Variants in STXBP6 observed in about 807,000 individuals in gnomAD.
STXBP6 encodes syntaxin-binding protein 6.
STXBP6 carries 21 observed loss-of-function variants against 26.9 expected under a neutral mutation model. The ratio of observed to expected loss-of-function variants is 0.78; its 90% CI spans 0.55 to 1.12. The LOEUF (loss-of-function observed/expected upper bound fraction) is 1.12. Among genes scored for constraint, STXBP6 ranks in the 50% most tolerant of loss-of-function variants. STXBP6 has a pLI of 0.00. For synonymous variants in STXBP6, 97 were observed against 92.6 expected (o/e 1.05, Z -0.27); for missense variants, 232 against 257.9 (o/e 0.90, Z 0.69).
At chr14:24,934,864 A>G (rs995218180) in intron 2 of STXBP6, among the ~76,000 whole-genome samples, 6 of 152,172 alleles carry the variant, frequency 3.9e-5, no homozygotes, top group Non-Finnish European at 5.9e-5. Context: ...CTGACCTCTG[A>G]TAGAGAACAC....
intron 2 of STXBP6, among the ~76,000 whole-genome samples, chr14:24,874,411 AGT>A (rs1434108013): frequency 6.6e-6 from 1 of 152,046 alleles, no homozygotes; most frequent in East Asian, 1.9e-4. Context: ...TGTTCAGAAG[AGT>A]GTGGAAAGCC....
chr14:24,836,582 A>G (rs117157898), intron 4 of STXBP6, among the ~76,000 whole-genome samples: 3,934 of 124,948 alleles, frequency 0.031, 184 homozygotes, highest in East Asian at 0.24. Flanking sequence ...TTGCCAGCTT[A>G]GGTGACACAG....
Position 24,812,579 on chromosome 14 carries a change from A to G in STXBP6, c.*130T>C, listed in dbSNP as rs377174986. On this transcript the variant is annotated 3_prime_UTR_variant, in exon 6 of 6. Coordinates refer to ENST00000323944, the MANE Select transcript of STXBP6 (RefSeq NM_001394410.1). ...CTTTCACATTAACATCTGAAAAGAA[A>G]AAACAAAAACCACTCTAAGTGTCCA... 2 of 850,810 alleles carry G rather than the reference A, an allele frequency of 2.4e-6. No individual in the cohort carries two copies. Among genetic ancestry groups the G allele is most frequent in the Non-Finnish European group, 3.7e-6 (2 of 535,530 alleles). 52.7% of individuals were successfully genotyped at this position (850,810 alleles called of 1,614,324 possible). A position where few individuals can be genotyped will look rare whatever the true frequency, so the allele number is the denominator to read the frequency against.
chr14:24,913,155 A>T (rs543094924), intron 2 of STXBP6, among the ~76,000 whole-genome samples: 1 of 152,262 alleles, frequency 6.6e-6, no homozygotes, highest in South Asian at 2.1e-4. Context: ...CACTGAGGGG[A>T]TTCCAACAAA....
intron 1 of STXBP6, among the ~76,000 whole-genome samples, chr14:25,030,881 T>C (rs1237648129): frequency 6.6e-6 from 1 of 150,438 alleles, no homozygotes; most frequent in Non-Finnish European, 1.5e-5. Flanking sequence ...ACATAATAAC[T>C]AATTAGACAC....
intron 4 of STXBP6, among the ~76,000 whole-genome samples, chr14:24,850,576 A>C (rs1048857651): frequency 2.6e-5 from 4 of 152,176 alleles, no homozygotes; most frequent in Non-Finnish European, 4.4e-5. Context: ...AGCTAATTTC[A>C]TCTTGCCCTT....
At chr14:25,043,169 G>A (rs1428758828) in intron 1 of STXBP6, among the ~76,000 whole-genome samples, 1 of 152,166 alleles carries the variant, frequency 6.6e-6, no homozygotes, top group Non-Finnish European at 1.5e-5. Context: ...AAGATGACAA[G>A]GCACTTGCCA....
Position 24,811,478 on chromosome 14 carries a change from C to G in STXBP6, c.*1231G>C, listed in dbSNP as rs975552235. ...TTTTTATGTTTAGCATTTTAACCCT[C>G]TAGGAAACAGAACTTCTAGACCCTA... On this transcript the variant is annotated 3_prime_UTR_variant, in exon 6 of 6. Transcript: ENST00000323944. 6.6e-6 allele frequency: 1 copy of G among 152,072 alleles called. No individual in the cohort carries two copies. The highest frequency in any genetic ancestry group is 6.6e-5 in the Admixed American group (1 of 15,256). The allele number at this position is 152,072 out of a possible 1,614,324, so 9.4% of individuals were successfully genotyped here. A position where few individuals can be genotyped will look rare whatever the true frequency, so the allele number is the denominator to read the frequency against.
chr14:24,810,681 C>T lies in STXBP6; in HGVS notation c.*2028G>A, dbSNP rs2067794101. On this transcript the variant is annotated 3_prime_UTR_variant, in exon 6 of 6. Coordinates refer to ENST00000323944, the MANE Select transcript of STXBP6 (RefSeq NM_001394410.1). ...GAAGAATCTTGGGTTTCACAGTATG[C>T]TTATGACCTCATCCTCAGCTACTTT... 6.6e-6 allele frequency: 1 copy of T among 152,182 alleles called. No individual in the cohort carries two copies. The highest frequency in any genetic ancestry group is 2.4e-5 in the African/African-American group (1 of 41,442). 9.4% of individuals were successfully genotyped at this position (152,182 alleles called of 1,614,324 possible). A position where few individuals can be genotyped will look rare whatever the true frequency, so the allele number is the denominator to read the frequency against.
At chr14:24,837,001 C>T (rs979278758) in intron 4 of STXBP6, among the ~76,000 whole-genome samples, 2 of 152,140 alleles carry the variant, frequency 1.3e-5, no homozygotes, top group African/African-American at 4.8e-5. Context: ...ACATCAAGAA[C>T]ATGAATATTT....
At chr14:24,921,228 T>G (rs2071966867) in intron 2 of STXBP6, among the ~76,000 whole-genome samples, 1 of 152,134 alleles carries the variant, frequency 6.6e-6, no homozygotes, top group Non-Finnish European at 1.5e-5. Flanking sequence ...ACATACAAAT[T>G]TCAATGAAAG....
At chr14:24,986,889 G>A (rs1356893135) in intron 1 of STXBP6, among the ~76,000 whole-genome samples, 6 of 152,166 alleles carry the variant, frequency 3.9e-5, no homozygotes. Flanking sequence ...TCTATTCTAT[G>A]TCTTGAGATG....
At chr14:24,823,099 T>A (rs565923529) in intron 4 of STXBP6, among the ~76,000 whole-genome samples, 2 of 152,276 alleles carry the variant, frequency 1.3e-5, no homozygotes. Context: ...TTGGAATTAG[T>A]CTCTGGAGAT....
At chr14:24,931,548 C>T (rs1365778528) in intron 2 of STXBP6, among the ~76,000 whole-genome samples, 4 of 152,142 alleles carry the variant, frequency 2.6e-5, no homozygotes, top group African/African-American at 9.7e-5. Flanking sequence ...GTTAAAGACT[C>T]ATTCATTCAT....
chr14:25,016,162 T>C (rs2075142858), intron 1 of STXBP6, among the ~76,000 whole-genome samples: 1 of 152,192 alleles, frequency 6.6e-6, no homozygotes, highest in South Asian at 2.1e-4. Context: ...ATTCTTATTA[T>C]AACCTATTAT....
chr14:24,936,995 T>C (rs891768219), intron 2 of STXBP6, among the ~76,000 whole-genome samples: 9 of 152,234 alleles, frequency 5.9e-5, no homozygotes, highest in African/African-American at 2.2e-4. Context: ...TACAGGCACA[T>C]GGATGAAGCT....
At chr14:25,019,944 G>A (rs958980261) in intron 1 of STXBP6, among the ~76,000 whole-genome samples, 4 of 143,386 alleles carry the variant, frequency 2.8e-5, no homozygotes, top group Admixed American at 2.2e-4. Flanking sequence ...TCTGTCCAAC[G>A]ATTTGCCATT....
chr14:24,859,826 T>G (rs971023030), intron 2 of STXBP6, among the ~76,000 whole-genome samples: 45 of 152,272 alleles, frequency 3.0e-4, no homozygotes, highest in African/African-American at 1.1e-3. Flanking sequence ...AGGAATAGGG[T>G]GGGTATGACT....
intron 2 of STXBP6, among the ~76,000 whole-genome samples, chr14:24,966,010 C>A (rs968231886): frequency 6.6e-6 from 1 of 152,210 alleles, no homozygotes. Context: ...ATCTCCCTAA[C>A]CACCACTTGC....
Sources: gnomAD v4.1 joint callset for allele counts (sites outside exome capture counted in the v4.1 genomes callset) on GRCh38, gnomAD v4.1.1 for gene constraint, MANE v1.5 for transcripts, NCBI Gene and HGNC (gene_info 2026-07-23, HGNC 2026-07-21) for gene names.